Variants in GPC5 observed in about 807,000 individuals in gnomAD.
GPC5 encodes glypican-5.
A neutral mutation model predicts 53.9 loss-of-function variants in GPC5; 47 were observed. That is an observed-to-expected ratio of 0.87 (90% confidence interval 0.69 to 1.11). The LOEUF is 1.11. Among genes scored for constraint, GPC5 ranks in the 50% most tolerant of loss-of-function variants. The probability of loss-of-function intolerance (pLI) is 0.00; values close to 1 mark genes in which losing one functional copy is unlikely to be tolerated. For missense variants in GPC5, 748 were observed against 713.1 expected, an observed-to-expected ratio of 1.05 and a Z score of -0.56; for synonymous variants, 286 against 263.3, an observed-to-expected ratio of 1.09 and a Z score of -0.84.
intron 7 of GPC5, among the ~76,000 whole-genome samples, chr13:92,466,951 AGG>A (rs1302346134): frequency 6.6e-6 from 1 of 152,146 alleles, no homozygotes; most frequent in Non-Finnish European, 1.5e-5. Context: ...ACTGAATATG[AGG>A]TGCTAATTAA....
chr13:91,899,962 A>C lies in GPC5; in HGVS notation c.1281-7975A>C, dbSNP rs76614878. On this transcript the variant is annotated intron_variant, in intron 5 of 7. Transcript: ENST00000377067. ...TATGATGGCCCTAGGCGACTACTACATTCTAATTCAGAAGTTCTTCTTGGT... is the reference window on the plus strand; with the variant it reads ...TATGATGGCCCTAGGCGACTACTACCTTCTAATTCAGAAGTTCTTCTTGGT... 4.7e-3 allele frequency among the ~76,000 whole-genome samples: 719 copies of C among 152,258 alleles called. 8 individuals are homozygous for C. The highest frequency in any genetic ancestry group is 0.016 in the African/African-American group (652 of 41,564).
intron 2 of GPC5, among the ~76,000 whole-genome samples, chr13:91,541,815 AT>A (rs2029949649): frequency 7.1e-6 from 1 of 139,890 alleles, no homozygotes. Flanking sequence ...GAGAACTTCC[AT>A]ATTAATTAAT....
chr13:91,807,773 A>T (rs1313371174), intron 5 of GPC5, among the ~76,000 whole-genome samples: 1 of 152,184 alleles, frequency 6.6e-6, no homozygotes, highest in African/African-American at 2.4e-5. Flanking sequence ...CAAATGGAAG[A>T]TCAATCATGT....
intron 1 of GPC5, among the ~76,000 whole-genome samples, chr13:91,447,833 A>G (rs1460937303): frequency 1.3e-5 from 2 of 152,100 alleles, no homozygotes; most frequent in African/African-American, 2.4e-5. Context: ...TTAGGCCATT[A>G]TGTAAATAAA....
At chr13:91,966,431 G>A (rs1413522594) in intron 6 of GPC5, among the ~76,000 whole-genome samples, 2 of 152,086 alleles carry the variant, frequency 1.3e-5, no homozygotes, top group Non-Finnish European at 2.9e-5. Context: ...GAAGAATATA[G>A]ACCATACAAG....
intron 2 of GPC5, among the ~76,000 whole-genome samples, chr13:91,658,763 T>C (rs1029103901): frequency 6.6e-6 from 1 of 152,138 alleles, no homozygotes; most frequent in Non-Finnish European, 1.5e-5. Context: ...ATCCCTCATA[T>C]GTACTGTGTG....
At chr13:91,945,949 A>G (rs1459566897) in intron 6 of GPC5, among the ~76,000 whole-genome samples, 1 of 151,992 alleles carries the variant, frequency 6.6e-6, no homozygotes, top group Non-Finnish European at 1.5e-5. Context: ...TTTTTAGAGT[A>G]TTCTTTCTCC....
chr13:92,252,499 A>C (rs1415761006), intron 7 of GPC5, among the ~76,000 whole-genome samples: 1 of 152,058 alleles, frequency 6.6e-6, no homozygotes, highest in African/African-American at 2.4e-5. Flanking sequence ...ACTTTATATT[A>C]CCTCAGTTGA....
intron 7 of GPC5, among the ~76,000 whole-genome samples, chr13:92,813,286 C>A (rs7988257): frequency 0.28 from 42,417 of 151,610 alleles, 8,755 homozygotes; most frequent in African/African-American, 0.57. Flanking sequence ...AAGGCCACTG[C>A]GGAGGAATCA....
intron 7 of GPC5, among the ~76,000 whole-genome samples, chr13:92,791,234 C>A (rs892659955): frequency 2.0e-5 from 3 of 152,092 alleles, no homozygotes; most frequent in East Asian, 1.9e-4. Flanking sequence ...TATTGCTGCA[C>A]AATTTTAAGA....
Position 91,398,899 on chromosome 13 carries a change from C to A in GPC5, c.-148C>A. ...AAGAGCTAACTGCTCCCAGGTGAAG[C>A]CGGTGCCCGCGGGCGGTCCGTACAC... On this transcript the variant is annotated 5_prime_UTR_variant, in exon 1 of 8. Coordinates refer to ENST00000377067, the MANE Select transcript of GPC5 (RefSeq NM_004466.6). The A allele has an allele frequency of 1.1e-6, 1 of 945,904 alleles. No homozygotes were observed. Among genetic ancestry groups the A allele is most frequent in the Non-Finnish European group, 1.5e-6 (1 of 663,114 alleles). The allele number at this position is 945,904 out of a possible 1,614,324, so 58.6% of individuals were successfully genotyped here.
intron 2 of GPC5, among the ~76,000 whole-genome samples, chr13:91,609,566 G>C (rs945212740): frequency 6.6e-6 from 1 of 152,090 alleles, no homozygotes; most frequent in African/African-American, 2.4e-5. Flanking sequence ...CATATGAGTC[G>C]AATGAAACAG....
intron 7 of GPC5, among the ~76,000 whole-genome samples, chr13:92,344,304 C>A (rs371248434): frequency 1.3e-5 from 2 of 152,120 alleles, no homozygotes; most frequent in African/African-American, 2.4e-5. Flanking sequence ...ATCATGAGAA[C>A]GACATGGGAG....
intron 6 of GPC5, among the ~76,000 whole-genome samples, chr13:91,952,746 T>C (rs923403752): frequency 6.6e-6 from 1 of 152,102 alleles, no homozygotes; most frequent in Non-Finnish European, 1.5e-5. Flanking sequence ...AAAAAATACG[T>C]AGTTTGATAA....
chr13:92,136,114 T>A (rs1335700429), intron 6 of GPC5, among the ~76,000 whole-genome samples: 1 of 152,120 alleles, frequency 6.6e-6, no homozygotes, highest in Non-Finnish European at 1.5e-5. Context: ...ATGCTCTAAA[T>A]AGTGAGTCAT....
intron 7 of GPC5, among the ~76,000 whole-genome samples, chr13:92,627,607 C>T (rs1316581222): frequency 6.6e-6 from 1 of 152,108 alleles, no homozygotes; most frequent in Non-Finnish European, 1.5e-5. Flanking sequence ...CAGGCATTAG[C>T]AATAAAACCT....
At chr13:91,780,457 C>A (rs1331116700) in intron 5 of GPC5, among the ~76,000 whole-genome samples, 1 of 151,858 alleles carries the variant, frequency 6.6e-6, no homozygotes, top group Non-Finnish European at 1.5e-5. Context: ...TTAAAAATTT[C>A]TCTCCTTCCT....
chr13:92,731,129 G>A (rs1023483051), intron 7 of GPC5, among the ~76,000 whole-genome samples: 26 of 151,268 alleles, frequency 1.7e-4, no homozygotes, highest in Non-Finnish European at 3.7e-4. Flanking sequence ...GAAAAGAGAG[G>A]GATAGAGAAA....
rs553226629 is a variant in GPC5, at chr13:92,648,728, A to T, written c.1562-217554A>T. ...GTTGTTGTTTTGCTAATTATTCTAT[A>T]CATAGATTAAAACATTGATCCCTGT... On this transcript the variant is annotated intron_variant, in intron 7 of 7. Coordinates refer to ENST00000377067, the MANE Select transcript of GPC5 (RefSeq NM_004466.6). 2.9e-4 allele frequency among the ~76,000 whole-genome samples: 44 copies of T among 152,320 alleles called. No homozygotes were observed. The South Asian group carries it at 9.1e-3, about 32-fold the overall frequency.
Sources: gnomAD v4.1 joint callset for allele counts (sites outside exome capture counted in the v4.1 genomes callset) on GRCh38, gnomAD v4.1.1 for gene constraint, MANE v1.5 for transcripts, NCBI Gene and HGNC (gene_info 2026-07-23, HGNC 2026-07-21) for gene names.